Variants in FIP1L1 observed in about 807,000 individuals in gnomAD.
FIP1L1 encodes the protein pre-mRNA 3'-end-processing factor FIP1.
A neutral mutation model predicts 84.6 loss-of-function variants in FIP1L1; 21 were observed. The observed-to-expected ratio is 0.25, with a 90% confidence interval of 0.18 to 0.36. The LOEUF is 0.36. Among genes scored for constraint, FIP1L1 ranks in the 10% least tolerant of loss-of-function variants. FIP1L1 has a pLI of 1.00. For missense variants in FIP1L1, 526 were observed against 751.1 expected, an observed-to-expected ratio of 0.70 and a Z score of 3.50; for synonymous variants, 263 against 242.3, an observed-to-expected ratio of 1.09 and a Z score of -0.80.
intron 10 of FIP1L1, among the ~76,000 whole-genome samples, chr4:53,411,973 A>G (rs1389476759): frequency 2.0e-5 from 3 of 151,864 alleles, no homozygotes; most frequent in Admixed American, 6.6e-5. Flanking sequence ...ATAGACTGAT[A>G]GAACGTTTTT....
intron 10 of FIP1L1, among the ~76,000 whole-genome samples, chr4:53,403,101 C>A (rs1357703793): frequency 6.6e-6 from 1 of 152,050 alleles, no homozygotes; most frequent in Non-Finnish European, 1.5e-5. Flanking sequence ...TTTTGGAGTT[C>A]TGTGAATAAA....
chr4:53,417,690 A>AC (rs1760189197), intron 11 of FIP1L1, among the ~76,000 whole-genome samples: 1 of 149,790 alleles, frequency 6.7e-6, no homozygotes, highest in Non-Finnish European at 1.5e-5. Flanking sequence ...CACAACAGAT[A>AC]CCCTGGATAA....
intron 3 of FIP1L1, among the ~76,000 whole-genome samples, chr4:53,379,873 C>G (rs1736861648): frequency 6.6e-6 from 1 of 152,068 alleles, no homozygotes; most frequent in Non-Finnish European, 1.5e-5. Context: ...TCGGCTTTAC[C>G]CTGACCACAT....
At chr4:53,416,550 CA>C (rs1443462076) in intron 11 of FIP1L1, among the ~76,000 whole-genome samples, 1 of 152,190 alleles carries the variant, frequency 6.6e-6, no homozygotes, top group Non-Finnish European at 1.5e-5. Flanking sequence ...TTTGAGAAAT[CA>C]GAGAATTTGC....
At chr4:53,436,045 A>T (rs1334373481) in intron 13 of FIP1L1, among the ~76,000 whole-genome samples, 1 of 150,932 alleles carries the variant, frequency 6.6e-6, no homozygotes, top group Non-Finnish European at 1.5e-5. Context: ...GTGCCGACGG[A>T]ACTTGGAATT....
chr4:53,417,642 CAAAAAAAAAAA>C (rs57635694), intron 11 of FIP1L1, among the ~76,000 whole-genome samples: 2 of 46,360 alleles, frequency 4.3e-5, no homozygotes, highest in Non-Finnish European at 8.5e-5. Context: ...AACTCCTTCT[CAAAAAAAAAAA>C]AAAAAAAAAA....
At chr4:53,402,891 G>A (rs1214821453) in intron 10 of FIP1L1, among the ~76,000 whole-genome samples, 1 of 152,168 alleles carries the variant, frequency 6.6e-6, no homozygotes, top group Non-Finnish European at 1.5e-5. Flanking sequence ...GAACAGTAAC[G>A]AAGGCAGGAT....
At chr4:53,424,670 T>C (rs1359184467) in intron 11 of FIP1L1, among the ~76,000 whole-genome samples, 1 of 152,048 alleles carries the variant, frequency 6.6e-6, no homozygotes, top group African/African-American at 2.4e-5. Context: ...CACAAAATAA[T>C]TTGTGGAGTG....
At chr4:53,418,924 A>T (rs977168240) in intron 11 of FIP1L1, among the ~76,000 whole-genome samples, 2 of 152,220 alleles carry the variant, frequency 1.3e-5, no homozygotes, top group Non-Finnish European at 2.9e-5. Context: ...TACTGAAAAG[A>T]TGTGCCCATA....
At chr4:53,402,428 A>G (rs1750756242) in intron 10 of FIP1L1, among the ~76,000 whole-genome samples, 2 of 152,312 alleles carry the variant, frequency 1.3e-5, no homozygotes, top group South Asian at 4.1e-4. Context: ...TTGGCTGGGC[A>G]CTGTAGCTCA....
chr4:53,452,541 AC>A (rs1377956840), intron 15 of FIP1L1, among the ~76,000 whole-genome samples: 1 of 151,700 alleles, frequency 6.6e-6, no homozygotes, highest in Non-Finnish European at 1.5e-5. Flanking sequence ...CTGGTCTCAA[AC>A]TCCTAGCCTC....
At chr4:53,422,114 GGA>G (rs1762633381) in intron 11 of FIP1L1, among the ~76,000 whole-genome samples, 1 of 152,170 alleles carries the variant, frequency 6.6e-6, no homozygotes, top group African/African-American at 2.4e-5. Flanking sequence ...TAGGAATTTT[GGA>G]GACTTTATTT....
At position 53,460,708 on chromosome 4, in the gene FIP1L1, G is replaced by GA. The variant is rs1408075397; in HGVS notation, c.*1267dup. On this transcript the variant is annotated 3_prime_UTR_variant, in exon 18 of 18. Coordinates refer to ENST00000337488, the MANE Select transcript of FIP1L1 (RefSeq NM_030917.4). ...AGAGTAATGAGAAATCCTCCACACT[G>GA]AAAAAAAACTAGTAGTTTTAATTTT... 6.1e-5 allele frequency: 32 copies of GA among 527,754 alleles called. No homozygotes were observed. Among genetic ancestry groups the GA allele is most frequent in the Middle Eastern group, 4.9e-4 (1 of 2,036 alleles). 32.7% of individuals were successfully genotyped at this position (527,754 alleles called of 1,614,324 possible). A position where few individuals can be genotyped will look rare whatever the true frequency, so the allele number is the denominator to read the frequency against.
intron 9 of FIP1L1, among the ~76,000 whole-genome samples, chr4:53,393,787 C>G (rs1745766246): frequency 8.6e-6 from 1 of 116,168 alleles, no homozygotes; most frequent in African/African-American, 3.1e-5. Flanking sequence ...CCCCCGCCCC[C>G]GGCTGTGAAT....
intron 15 of FIP1L1, among the ~76,000 whole-genome samples, chr4:53,447,666 C>G (rs1300496263): frequency 6.6e-6 from 1 of 152,000 alleles, no homozygotes; most frequent in South Asian, 2.1e-4. Flanking sequence ...GTTGAGTATT[C>G]CTTATCAGAA....
intron 9 of FIP1L1, among the ~76,000 whole-genome samples, chr4:53,394,916 G>T (rs1267729484): frequency 6.6e-6 from 1 of 152,002 alleles, no homozygotes; most frequent in East Asian, 1.9e-4. Flanking sequence ...TACAAATGAA[G>T]CTGTGATAGG....
chr4:53,394,344 T>G (rs1746110926), intron 9 of FIP1L1, among the ~76,000 whole-genome samples: 1 of 152,200 alleles, frequency 6.6e-6, no homozygotes, highest in African/African-American at 2.4e-5. Context: ...GCTGCTAAAA[T>G]TGATTGGAAG....
At chr4:53,455,571 A>T (rs1718469001) in intron 16 of FIP1L1, among the ~76,000 whole-genome samples, 1 of 152,102 alleles carries the variant, frequency 6.6e-6, no homozygotes, top group South Asian at 2.1e-4. Flanking sequence ...ATGTACATTT[A>T]TTAAGTTTGT....
At chr4:53,414,785 T>G (rs1433568464) in intron 11 of FIP1L1, 63 bp downstream of exon 11, 1 of 1,037,590 alleles carries the variant, frequency 9.6e-7, no homozygotes, top group Non-Finnish European at 1.5e-6. Context: ...TGTTATGCCT[T>G]ATTAGTAAGA....
Sources: gnomAD v4.1 joint callset for allele counts (sites outside exome capture counted in the v4.1 genomes callset) on GRCh38, gnomAD v4.1.1 for gene constraint, MANE v1.5 for transcripts, NCBI Gene and HGNC (gene_info 2026-07-23, HGNC 2026-07-21) for gene names.